Variants in ARAP2 observed in about 807,000 individuals in gnomAD.
ARAP2 encodes ArfGAP with RhoGAP domain, ankyrin repeat and PH domain 2, also known as arf-GAP with Rho-GAP domain, ANK repeat and PH domain-containing protein 2.
Under a neutral mutation model 194.5 loss-of-function variants are expected in ARAP2, and 148 were observed. The observed-to-expected ratio is 0.76, with a 90% confidence interval of 0.67 to 0.87. The LOEUF (loss-of-function observed/expected upper bound fraction) is 0.87, where lower values mean the gene tolerates loss of function less well. ARAP2 is among the 40% of genes least tolerant of loss of function. The pLI is 0.00. For synonymous variants in ARAP2, 695 were observed against 683.5 expected, an observed-to-expected ratio of 1.02 and a Z score of -0.26; for missense variants, 2,128 against 1,989.7, an observed-to-expected ratio of 1.07 and a Z score of -1.32.
intron 6 of ARAP2, among the ~76,000 whole-genome samples, chr4:36,198,122 T>C (rs1242959112): frequency 5.9e-5 from 9 of 152,120 alleles, no homozygotes; most frequent in African/African-American, 9.7e-5. Flanking sequence ...AGGAGCTTTA[T>C]TGAGTGATAG....
intron 27 of ARAP2, among the ~76,000 whole-genome samples, chr4:36,103,348 T>C (rs1285891120): frequency 1.3e-5 from 2 of 151,694 alleles, no homozygotes; most frequent in Non-Finnish European, 3.0e-5. Flanking sequence ...CAAAAAACTT[T>C]AGTGCTTAAA....
chr4:36,137,699 T>C (rs1389288868), intron 19 of ARAP2, among the ~76,000 whole-genome samples: 1 of 151,672 alleles, frequency 6.6e-6, no homozygotes, highest in African/African-American at 2.4e-5. Context: ...GTGTTTAAGG[T>C]ATCAGAACTA....
chr4:36,143,883 C>T (rs1207035716), intron 19 of ARAP2, among the ~76,000 whole-genome samples: 1 of 151,800 alleles, frequency 6.6e-6, no homozygotes, highest in Non-Finnish European at 1.5e-5. Flanking sequence ...TGTCTGTGAC[C>T]ATTATTTTGG....
At chr4:36,038,516 C>T (rs948051942) in intron 5 of ARAP2, among the ~76,000 whole-genome samples, 7 of 152,156 alleles carry the variant, frequency 4.6e-5, no homozygotes, top group Admixed American at 1.3e-4. Flanking sequence ...ATGTAACTTC[C>T]GTGACTCAGG....
chr4:36,210,405 T>G lies in ARAP2; in HGVS notation c.1472A>C (p.Lys491Thr). ...AKKVKSGWLD[K>T]LSPQGKRMFQ... is the part of the protein sequence containing the mutation. ...ACGTACATACCCTTGAGGAGAGAGT[T>G]TATCCAGCCATCCTGATTTAACCTT... The change falls in exon 6 of 33, where the codon AAA becomes ACA. Residue 491 changes from lysine (K) to threonine (T), a missense_variant. Physicochemically the swap from Lys to Thr is moderately conservative, Grantham distance 78. Coordinates refer to ENST00000303965, the MANE Select transcript of ARAP2 (RefSeq NM_015230.4). The G allele has an allele frequency of 1.9e-6, 3 of 1,610,920 alleles. No individual in the cohort carries two copies. Among genetic ancestry groups the G allele is most frequent in the Non-Finnish European group, 2.5e-6 (3 of 1,178,682 alleles).
chr4:36,057,512 G>A (rs1577684598), intron 2 of ARAP2, among the ~76,000 whole-genome samples: 2 of 151,896 alleles, frequency 1.3e-5, no homozygotes, highest in South Asian at 2.1e-4. Flanking sequence ...CATTTTAACA[G>A]TGTCTCACAT....
chr4:36,058,577 GTTTGTT>G (rs1323966374), intron 1 of ARAP2, among the ~76,000 whole-genome samples: 2 of 152,196 alleles, frequency 1.3e-5, no homozygotes, highest in East Asian at 1.9e-4. Context: ...CAACAGCCGA[GTTTGTT>G]TTTGTTTTTA....
intron 16 of ARAP2, among the ~76,000 whole-genome samples, chr4:36,150,573 C>T (rs983529436): frequency 4.6e-5 from 7 of 151,082 alleles, no homozygotes; most frequent in South Asian, 4.2e-4. Flanking sequence ...ACCCAGGAGG[C>T]GGAGGTTGCA....
At chr4:36,195,925 G>C (rs377742011) in intron 6 of ARAP2, among the ~76,000 whole-genome samples, 20 of 152,294 alleles carry the variant, frequency 1.3e-4, no homozygotes, top group Admixed American at 5.9e-4. Context: ...GTAACACAGA[G>C]AGGAATATGG....
intron 26 of ARAP2, 49 bp downstream of exon 26, chr4:36,114,121 T>G (rs1250713549): frequency 7.8e-7 from 1 of 1,286,530 alleles, no homozygotes; most frequent in East Asian, 2.3e-5. Context: ...TAAAGAGTAC[T>G]TTTTACAGTA....
At chr4:36,206,245 A>G (rs1339851020) in intron 6 of ARAP2, among the ~76,000 whole-genome samples, 1 of 152,170 alleles carries the variant, frequency 6.6e-6, no homozygotes. Context: ...GTCTTGGGCT[A>G]TTGGCTTCTG....
At position 36,158,813 on chromosome 4, in the gene ARAP2, G is replaced by A. The variant is rs952490215; in HGVS notation, c.2669C>T (p.Ser890Phe). 1 of 1,612,108 alleles carries A rather than the reference G, an allele frequency of 6.2e-7. No individual in the cohort carries two copies. Among genetic ancestry groups the A allele is most frequent in the African/African-American group, 1.3e-5 (1 of 74,842 alleles). ...HSEGVLSQESSQSTFLCDFLY... is the reference protein window; with the variant it reads ...HSEGVLSQESFQSTFLCDFLY... ...AAAGTCACAGAGGAATGTGGACTGG[G>A]AAGACTCTTGACTTAATACACCCTC... is the stretch of plus-strand genomic sequence containing the variant. The change falls in exon 15 of 33, where the codon TCC becomes TTC. Residue 890 changes from serine to phenylalanine, a missense_variant. By Grantham distance (155) the Ser-to-Phe change is radical. Transcript: ENST00000303965.
At position 36,037,903 on chromosome 4, in the gene ARAP2, A is replaced by G. The variant is rs139018231; in HGVS notation, n.607+8076T>C. Among the ~76,000 whole-genome samples, 661 of 152,276 alleles carry G rather than the reference A, an allele frequency of 4.3e-3. 3 individuals carry two copies. The highest frequency in any genetic ancestry group is 0.014 in the Middle Eastern group (4 of 294). ...ATAATCTTATTTCTCTGGTTTCCAA[A>G]TTCTTAGAGAGCTTCTCACTACTAC... On this transcript the variant is annotated intron_variant and non_coding_transcript_variant, in intron 5 of 12. Coordinates refer to the ARAP2 transcript ENST00000503225.
In ARAP2 at chr4:36,228,777, A is replaced by G; in HGVS notation, c.710T>C (p.Leu237Ser). Residue 237 changes from leucine to serine, a missense_variant, in exon 2 of 33, where the codon TTA (leucine) becomes TCA (serine). Transcript: ENST00000303965. ...TNSGNGTNGL[L>S]EGSPPSPFFK... Reference sequence around the variant, plus strand: ...GAATGGGGATGGTGGTGATCCTTCTAATAAACCATTTGTTCCATTTCCAGA... The same window carrying G: ...GAATGGGGATGGTGGTGATCCTTCTGATAAACCATTTGTTCCATTTCCAGA... 1 of 1,614,114 alleles carries G rather than the reference A, an allele frequency of 6.2e-7. No individual in the cohort carries two copies. Among genetic ancestry groups the G allele is most frequent in the Non-Finnish European group, 8.5e-7 (1 of 1,180,002 alleles).
chr4:36,112,411 G>T (rs566840998), intron 26 of ARAP2, among the ~76,000 whole-genome samples: 5 of 152,010 alleles, frequency 3.3e-5, no homozygotes, highest in Non-Finnish European at 4.4e-5. Context: ...GACTGTGAAG[G>T]ATAAATATGC....
intron 6 of ARAP2, among the ~76,000 whole-genome samples, chr4:36,016,354 T>C (rs1014325689): frequency 6.6e-6 from 1 of 152,186 alleles, no homozygotes; most frequent in African/African-American, 2.4e-5. Context: ...TAGAAGAGTA[T>C]GAAAGCAGTA....
chr4:36,176,651 T>G (rs1052836091), intron 9 of ARAP2, among the ~76,000 whole-genome samples: 2 of 152,126 alleles, frequency 1.3e-5, no homozygotes, highest in African/African-American at 4.8e-5. Flanking sequence ...TAGACTGAAA[T>G]GTTCATATTC....
chr4:36,183,673 G>C (rs1247938049), intron 8 of ARAP2, among the ~76,000 whole-genome samples: 11 of 152,194 alleles, frequency 7.2e-5, no homozygotes, highest in Admixed American at 7.2e-4. Context: ...AACAACAGGA[G>C]TCAGACTTAA....
At chr4:36,058,812 T>C (rs1723943360) in intron 1 of ARAP2, among the ~76,000 whole-genome samples, 1 of 152,214 alleles carries the variant, frequency 6.6e-6, no homozygotes, top group Non-Finnish European at 1.5e-5. Flanking sequence ...TTAAAATATA[T>C]ACTAATAAAT....
Sources: gnomAD v4.1 joint callset for allele counts (sites outside exome capture counted in the v4.1 genomes callset) on GRCh38, gnomAD v4.1.1 for gene constraint, MANE v1.5 for transcripts, NCBI Gene and HGNC (gene_info 2026-07-23, HGNC 2026-07-21) for gene names.